TMEM131L: variants seen among roughly 807,000 people sequenced by gnomAD.
TMEM131L encodes the protein transmembrane 131 like.
TMEM131L carries 54 observed loss-of-function variants against 192.2 expected under a neutral mutation model. That is an observed-to-expected ratio of 0.28 (90% confidence interval 0.23 to 0.35). TMEM131L has a LOEUF of 0.35. Among genes scored for constraint, TMEM131L ranks in the 10% least tolerant of loss-of-function variants. The pLI is 1.00. For synonymous variants in TMEM131L, 701 were observed against 704.9 expected, an observed-to-expected ratio of 0.99 and a Z score of 0.09; for missense variants, 1,888 against 1,972.9, an observed-to-expected ratio of 0.96 and a Z score of 0.82.
rs1254659543 is a variant in TMEM131L at position 153,513,610 on chromosome 4, C to T, written c.240-36463C>T. Among the ~76,000 whole-genome samples, 4 of 152,300 alleles carry T rather than the reference C, an allele frequency of 2.6e-5. No individual in the cohort carries two copies. In the East Asian group the frequency reaches 5.8e-4, roughly 22 times the overall value. On this transcript the variant is annotated intron_variant, in intron 3 of 34. Coordinates refer to ENST00000409959, the MANE Select transcript of TMEM131L (RefSeq NM_001131007.2). ...AATACTAATAAAATTGCTCTCCATTCGAACATGTCTTCCTGCTTAAAACTG... is the reference window on the plus strand; with the variant it reads ...AATACTAATAAAATTGCTCTCCATTTGAACATGTCTTCCTGCTTAAAACTG...
chr4:153,486,801 C>A (rs1036148346), intron 3 of TMEM131L, among the ~76,000 whole-genome samples: 5 of 152,364 alleles, frequency 3.3e-5, no homozygotes, highest in East Asian at 3.9e-4. Context: ...GGTGGAACCA[C>A]GTGATCAGCT....
chr4:153,589,444 T>TAGGG (rs1365344252), intron 16 of TMEM131L, among the ~76,000 whole-genome samples: 1 of 152,072 alleles, frequency 6.6e-6, no homozygotes, highest in African/African-American at 2.4e-5. Context: ...AGCAGGCAGG[T>TAGGG]AGGGGATCCA....
intron 7 of TMEM131L, among the ~76,000 whole-genome samples, chr4:153,574,467 G>A (rs1253831169): frequency 1.3e-5 from 2 of 152,138 alleles, no homozygotes; most frequent in Non-Finnish European, 2.9e-5. Flanking sequence ...TTATGTGGAA[G>A]GCACCCAAGA....
At chr4:153,468,043 T>C (rs943666656) in intron 2 of TMEM131L, among the ~76,000 whole-genome samples, 1 of 152,314 alleles carries the variant, frequency 6.6e-6, no homozygotes, top group South Asian at 2.1e-4. Context: ...GCTTGAATTA[T>C]AAGGAAATAT....
chr4:153,546,903 G>A (rs756087555), intron 3 of TMEM131L, among the ~76,000 whole-genome samples: 11 of 152,124 alleles, frequency 7.2e-5, no homozygotes, highest in Non-Finnish European at 1.6e-4. Context: ...CTCCAACGTG[G>A]GCAACAAGAG....
intron 7 of TMEM131L, among the ~76,000 whole-genome samples, chr4:153,570,495 C>T (rs1729514649): frequency 6.6e-6 from 1 of 152,196 alleles, no homozygotes; most frequent in Admixed American, 6.5e-5. Context: ...CACTGCTCTA[C>T]TCAGGAAGGG....
chr4:153,480,086 T>C (rs576002166), intron 3 of TMEM131L, among the ~76,000 whole-genome samples: 1 of 152,256 alleles, frequency 6.6e-6, no homozygotes, highest in East Asian at 1.9e-4. Context: ...ACGCGTGTAA[T>C]CCCAGCACTT....
In TMEM131L at chr4:153,555,925, A is replaced by G; in HGVS notation, c.432+15A>G. The G allele has an allele frequency of 6.5e-7, 1 of 1,546,974 alleles. No individual in the cohort carries two copies. The highest frequency in any genetic ancestry group is 1.2e-5 in the South Asian group (1 of 83,412). On this transcript the variant is annotated intron_variant, in intron 5 of 34. Coordinates refer to ENST00000409959, the MANE Select transcript of TMEM131L (RefSeq NM_001131007.2). The surrounding 1 kb of genome is among the most constrained non-coding windows in gnomAD (Gnocchi z 4.1). ...TTCCCTGCAGGGTGGGTGTTGATGG[A>G]CTCCTGGAAACTATGCCGTGGCAGG...
chr4:153,595,790 G>A (rs2150886594), intron 19 of TMEM131L, among the ~76,000 whole-genome samples: 1 of 151,574 alleles, frequency 6.6e-6, no homozygotes. Flanking sequence ...CTTCTGACTG[G>A]AGATACTAAA....
intron 3 of TMEM131L, among the ~76,000 whole-genome samples, chr4:153,528,274 G>A (rs1426712979): frequency 1.3e-5 from 2 of 152,236 alleles, no homozygotes; most frequent in Non-Finnish European, 2.9e-5. Flanking sequence ...GCAAGACTGC[G>A]TTTGAGCTCC....
chr4:153,608,489 G>T (rs1170812868), intron 25 of TMEM131L, among the ~76,000 whole-genome samples: 12 of 152,204 alleles, frequency 7.9e-5, no homozygotes, highest in Admixed American at 7.2e-4. Context: ...CTAAAGACAA[G>T]CTATGGTTGG....
intron 3 of TMEM131L, among the ~76,000 whole-genome samples, chr4:153,506,703 C>G (rs913686936): frequency 6.6e-6 from 1 of 151,868 alleles, no homozygotes; most frequent in Non-Finnish European, 1.5e-5. Context: ...ATTAGCCAGG[C>G]CTGGTGGCAC....
chr4:153,479,947 A>G (rs953422389), intron 3 of TMEM131L, among the ~76,000 whole-genome samples: 1 of 152,272 alleles, frequency 6.6e-6, no homozygotes, highest in Non-Finnish European at 1.5e-5. Flanking sequence ...ACAGTGGCTC[A>G]TGCCTGTAAT....
At chr4:153,504,266 CTTTTTTTT>C (rs531620464) in intron 3 of TMEM131L, among the ~76,000 whole-genome samples, 13 of 42,630 alleles carry the variant, frequency 3.0e-4, no homozygotes, top group African/African-American at 7.6e-4. Context: ...CGCGGTCGGC[CTTTTTTTT>C]TTTTTTTTTT....
At chr4:153,600,563 A>T (rs1172972491) in intron 21 of TMEM131L, among the ~76,000 whole-genome samples, 2 of 152,202 alleles carry the variant, frequency 1.3e-5, no homozygotes, top group Non-Finnish European at 2.9e-5. Context: ...TAAACTACTT[A>T]TGTTAGTTTC....
rs1730493100 is a variant in TMEM131L at position 153,583,414 on chromosome 4, T to C, written c.952-150T>C. On this transcript the variant is annotated intron_variant, in intron 10 of 34. Transcript: ENST00000409959. ...CTTGAACCTCTGTTTGTATGAAGAT[T>C]GTCAGCATCCCCTCCATATGGTTAT... 3 of 754,602 alleles carry C rather than the reference T, an allele frequency of 4.0e-6. No homozygotes were observed. The South Asian group carries it at 4.5e-5, about 11-fold the overall frequency. The allele number at this position is 754,602 out of a possible 1,614,324, so 46.7% of individuals were successfully genotyped here.
chr4:153,504,626 CTGAT>C (rs1733864190), intron 3 of TMEM131L, among the ~76,000 whole-genome samples: 1 of 152,046 alleles, frequency 6.6e-6, no homozygotes, highest in African/African-American at 2.4e-5. Context: ...TATTATTTTG[CTGAT>C]TGATCAGTCT....
intron 3 of TMEM131L, among the ~76,000 whole-genome samples, chr4:153,546,169 G>C (rs971396366): frequency 6.6e-6 from 1 of 151,680 alleles, no homozygotes; most frequent in African/African-American, 2.4e-5. Flanking sequence ...GGGATTACAG[G>C]TGTGAGCCAC....
intron 2 of TMEM131L, among the ~76,000 whole-genome samples, chr4:153,468,172 C>T (rs1024832269): frequency 2.0e-5 from 3 of 152,170 alleles, no homozygotes; most frequent in African/African-American, 7.2e-5. Flanking sequence ...TATAACTTTA[C>T]CGGAGAGGCT....
Sources: gnomAD v4.1 joint callset for allele counts (sites outside exome capture counted in the v4.1 genomes callset) on GRCh38, gnomAD v4.1.1 for gene constraint, Gnocchi (gnomAD v3.1) non-coding constraint, MANE v1.5 for transcripts, NCBI Gene and HGNC (gene_info 2026-07-23, HGNC 2026-07-21) for gene names.